Variants in NAP1L4 observed in about 807,000 individuals in gnomAD.
NAP1L4 encodes the protein nucleosome assembly protein 1-like 4.
In NAP1L4, 15 loss-of-function variants were observed where a neutral mutation model predicts 58.2. The observed-to-expected ratio is 0.26, with a 90% confidence interval of 0.17 to 0.40. NAP1L4 has a LOEUF of 0.40. NAP1L4 is among the 10% of genes least tolerant of loss of function. The probability of loss-of-function intolerance (pLI) is 1.00; values close to 1 mark genes in which losing one functional copy is unlikely to be tolerated. For missense variants in NAP1L4, 384 were observed against 451.1 expected (o/e 0.85, Z 1.35); for synonymous variants, 171 against 155.6 (o/e 1.10, Z -0.74).
chr11:2,959,042 A>G lies in NAP1L4; in HGVS notation c.747-498T>C. 6.1e-6 allele frequency: 1 copy of G among 162,808 alleles called. No homozygotes were observed. Among genetic ancestry groups the G allele is most frequent in the South Asian group, 1.6e-4 (1 of 6,364 alleles). The allele number at this position is 162,808 out of a possible 1,614,324, so 10.1% of individuals were successfully genotyped here. ...CACAGCACGCTCTCTCTAACACACA[A>G]TCACCACAGACCCAGGCAACACCTG... On this transcript the variant is annotated intron_variant, in intron 9 of 15. Transcript: ENST00000380542. The surrounding 1 kb of genome is among the most constrained non-coding windows in gnomAD (Gnocchi z 4.9).
At chr11:2,989,567 G>T (rs1282106527) in intron 1 of NAP1L4, among the ~76,000 whole-genome samples, 1 of 152,158 alleles carries the variant, frequency 6.6e-6, no homozygotes, top group Non-Finnish European at 1.5e-5. Context: ...TAAAGGGAAG[G>T]AAGAAAAGCA....
At chr11:2,950,329 T>C (rs1361201674) in intron 14 of NAP1L4, among the ~76,000 whole-genome samples, 2 of 152,234 alleles carry the variant, frequency 1.3e-5, no homozygotes, top group African/African-American at 4.8e-5. Flanking sequence ...CTCCCATCCC[T>C]TCCTTGAAGG....
At chr11:2,978,801 G>GT (rs1202494621) in intron 2 of NAP1L4, among the ~76,000 whole-genome samples, 1 of 152,206 alleles carries the variant, frequency 6.6e-6, no homozygotes, top group Non-Finnish European at 1.5e-5. Context: ...CCATGAAACA[G>GT]TTTTTAAAGA....
At chr11:2,968,402 T>C (rs1401285379) in intron 7 of NAP1L4, among the ~76,000 whole-genome samples, 2 of 152,166 alleles carry the variant, frequency 1.3e-5, no homozygotes, top group African/African-American at 4.8e-5. Flanking sequence ...TGGCATTCTT[T>C]TAAAAGTATG....
intron 2 of NAP1L4, 39 bp from the exon 3 acceptor site, chr11:2,978,381 A>G: frequency 6.4e-7 from 1 of 1,571,748 alleles, no homozygotes; most frequent in Non-Finnish European, 8.7e-7. Flanking sequence ...TACTGTAAAG[A>G]AAGTTCCAAA....
At chr11:2,989,965 A>G (rs970000887) in intron 1 of NAP1L4, 1 of 152,258 alleles carries the variant, frequency 6.6e-6, no homozygotes, top group Non-Finnish European at 1.5e-5. Context: ...AAACATGTGT[A>G]AACTTTTCAG....
At chr11:2,950,495 A>C (rs543780678) in intron 14 of NAP1L4, among the ~76,000 whole-genome samples, 1 of 152,342 alleles carries the variant, frequency 6.6e-6, no homozygotes, top group South Asian at 2.1e-4. Context: ...ACATTACAAA[A>C]ACACCAGGTA....
At chr11:2,956,100 G>A (rs1423910042) in intron 10 of NAP1L4, among the ~76,000 whole-genome samples, 1 of 152,240 alleles carries the variant, frequency 6.6e-6, no homozygotes, top group Non-Finnish European at 1.5e-5. Context: ...TGGCCATTCA[G>A]TGCATTTGTG....
chr11:2,949,207 T>C lies in NAP1L4; in HGVS notation c.*32+20A>G. The stretch of plus-strand genomic sequence containing the variant: ...AGATCAGAAGTTTGGAAGTTAGGTA[T>C]GAATGGAATTCCACCTTACCTAGAA... On this transcript the variant is annotated intron_variant, in intron 15 of 15. Coordinates refer to ENST00000380542, the MANE Select transcript of NAP1L4 (RefSeq NM_005969.4). The surrounding 1 kb of genome is among the most constrained non-coding windows in gnomAD (Gnocchi z 4.0). 1 of 1,559,824 alleles carries C rather than the reference T, an allele frequency of 6.4e-7. No individual in the cohort carries two copies. Among genetic ancestry groups the C allele is most frequent in the Non-Finnish European group, 8.8e-7 (1 of 1,131,842 alleles).
Position 2,949,270 on chromosome 11 carries a change from T to C in NAP1L4, c.1123-6A>G. The C allele has an allele frequency of 2.5e-6, 4 of 1,596,588 alleles. No homozygotes were observed. The highest frequency in any genetic ancestry group is 1.3e-5 in the African/African-American group (1 of 74,496). ...TTAACAGACAAAAATTACACCTAAATGGGGAAAAAAATTGAAAGGAACTGT... is the reference window on the plus strand; with the variant it reads ...TTAACAGACAAAAATTACACCTAAACGGGGAAAAAAATTGAAAGGAACTGT... On this transcript the variant is annotated splice_polypyrimidine_tract_variant and splice_region_variant and intron_variant, in intron 14 of 15. Transcript: ENST00000380542. The surrounding 1 kb of genome is among the most constrained non-coding windows in gnomAD (Gnocchi z 4.0).
At chr11:2,963,358 G>C (rs185437870) in intron 8 of NAP1L4, among the ~76,000 whole-genome samples, 6 of 152,200 alleles carry the variant, frequency 3.9e-5, no homozygotes, top group Non-Finnish European at 8.8e-5. Flanking sequence ...CTGTGATAAA[G>C]TCTAAACAGA....
chr11:2,954,163 C>A lies in NAP1L4; in HGVS notation c.1035+364G>T, dbSNP rs1280702654. On this transcript the variant is annotated intron_variant, in intron 12 of 15. Transcript: ENST00000380542. This position sits in a 1 kb window ranked among gnomAD's most constrained non-coding sequence, Gnocchi z 4.8. ...GATGAACCACAGGCTAGCATAAGTC[C>A]ACTGTCAATAAATGTTTGTTGTGGC... The A allele has an allele frequency of 2.6e-5, 6 of 229,906 alleles. No individual in the cohort carries two copies. Among genetic ancestry groups the A allele is most frequent in the Admixed American group, 2.2e-4 (4 of 18,518 alleles). 14.2% of individuals were successfully genotyped at this position (229,906 alleles called of 1,614,324 possible).
In NAP1L4 at chr11:2,944,743, C is replaced by G. The variant is rs1162924949; in HGVS notation, c.*936G>C. On this transcript the variant is annotated 3_prime_UTR_variant, in exon 16 of 16. Transcript: ENST00000380542. The stretch of plus-strand genomic sequence containing the variant: ...TCCACTGAAACGCAGGACTTCCCAG[C>G]CCAGTCCCTCAGTGGAGAAGACTGC... 1.3e-5 allele frequency: 2 copies of G among 152,236 alleles called. No homozygotes were observed. Among genetic ancestry groups the G allele is most frequent in the Non-Finnish European group, 2.9e-5 (2 of 68,046 alleles). 9.4% of individuals were successfully genotyped at this position (152,236 alleles called of 1,614,324 possible). A position where few individuals can be genotyped will look rare whatever the true frequency, so the allele number is the denominator to read the frequency against.
chr11:2,969,582 T>C (rs538824776), intron 7 of NAP1L4, among the ~76,000 whole-genome samples: 13 of 152,226 alleles, frequency 8.5e-5, no homozygotes, highest in African/African-American at 2.6e-4. Context: ...AGCGCCCAGC[T>C]TTCCACCAAG....
At chr11:2,990,511 G>A (rs896692917) in intron 1 of NAP1L4, 7 of 152,160 alleles carry the variant, frequency 4.6e-5, no homozygotes, top group African/African-American at 1.7e-4. Context: ...GGAGGCATTT[G>A]GCATTCTGTG....
chr11:2,954,508 C>G lies in NAP1L4; in HGVS notation c.1035+19G>C. ...AGATAAGCACCCAGGTGGAAGCCCC[C>G]CTTCCCCGAGCCTCATACATTGTCA... On this transcript the variant is annotated intron_variant, in intron 12 of 15. Coordinates refer to ENST00000380542, the MANE Select transcript of NAP1L4 (RefSeq NM_005969.4). This position sits in a 1 kb window ranked among gnomAD's most constrained non-coding sequence, Gnocchi z 4.8. 1.2e-6 allele frequency: 2 copies of G among 1,613,366 alleles called. No homozygotes were observed. Among genetic ancestry groups the G allele is most frequent in the Non-Finnish European group, 1.7e-6 (2 of 1,179,340 alleles).
In NAP1L4 at chr11:2,946,161, A is replaced by G. The variant is rs1047837399; in HGVS notation, c.*33-515T>C. On this transcript the variant is annotated intron_variant, in intron 15 of 15. Transcript: ENST00000380542. The surrounding 1 kb of genome is among the most constrained non-coding windows in gnomAD (Gnocchi z 4.8). ...GCGGGTTCCTGCTCTTTGTACTACC[A>G]GGGAGCGCCCCGGCAGATCCATCCT... Among the ~76,000 whole-genome samples the G allele has an allele frequency of 2.6e-5, 4 of 152,168 alleles. No individual in the cohort carries two copies. The highest frequency in any genetic ancestry group is 5.9e-5 in the Non-Finnish European group (4 of 68,026).
intron 1 of NAP1L4, chr11:2,990,136 CCTA>C (rs561247339): frequency 0.29 from 43,881 of 151,836 alleles, 7,160 homozygotes; most frequent in African/African-American, 0.44. Flanking sequence ...GTTATATGTG[CCTA>C]TATGACATAT....
At chr11:2,975,204 A>G (rs1002905362) in intron 4 of NAP1L4, among the ~76,000 whole-genome samples, 1 of 151,174 alleles carries the variant, frequency 6.6e-6, no homozygotes, top group African/African-American at 2.4e-5. Context: ...TATAGTTCCA[A>G]CTACTCTGGA....
Sources: gnomAD v4.1 joint callset for allele counts (sites outside exome capture counted in the v4.1 genomes callset) on GRCh38, gnomAD v4.1.1 for gene constraint, Gnocchi (gnomAD v3.1) non-coding constraint, MANE v1.5 for transcripts, NCBI Gene and HGNC (gene_info 2026-07-23, HGNC 2026-07-21) for gene names.